Variants in PLCB1 observed in about 807,000 individuals in gnomAD.
PLCB1 encodes the protein 1-phosphatidylinositol 4,5-bisphosphate phosphodiesterase beta-1.
In PLCB1, 46 loss-of-function variants were observed where a neutral mutation model predicts 161.8. The observed-to-expected ratio is 0.28, with a 90% CI of 0.22 to 0.36. The LOEUF is 0.36. Among genes scored for constraint, PLCB1 ranks in the 10% least tolerant of loss-of-function variants. The pLI is 1.00. For missense variants in PLCB1, 1,016 were observed against 1,472.5 expected (o/e 0.69, Z 5.07); for synonymous variants, 517 against 503.7 (o/e 1.03, Z -0.35).
chr20:8,426,004 T>G (rs1254155485), intron 3 of PLCB1, among the ~76,000 whole-genome samples: 3 of 152,222 alleles, frequency 2.0e-5, no homozygotes, highest in Non-Finnish European at 4.4e-5. Flanking sequence ...CCTCTTTCAC[T>G]TTGAGCTTTA....
At chr20:8,325,663 A>T (rs1985122862) in intron 2 of PLCB1, among the ~76,000 whole-genome samples, 1 of 152,214 alleles carries the variant, frequency 6.6e-6, no homozygotes, top group South Asian at 2.1e-4. Flanking sequence ...GACACGTGTA[A>T]GGCCACACAC....
intron 2 of PLCB1, among the ~76,000 whole-genome samples, chr20:8,326,082 T>C (rs1048216125): frequency 6.6e-6 from 1 of 152,112 alleles, no homozygotes; most frequent in Non-Finnish European, 1.5e-5. Context: ...CCCTTCGAGG[T>C]TGTTTAAGTA....
At chr20:8,745,235 C>G (rs1438394685) in intron 23 of PLCB1, among the ~76,000 whole-genome samples, 5 of 152,186 alleles carry the variant, frequency 3.3e-5, no homozygotes, top group Non-Finnish European at 7.4e-5. Context: ...CTTTGAGCAT[C>G]AGTGTGTCTT....
At chr20:8,519,355 ACTT>A (rs970055908) in intron 3 of PLCB1, among the ~76,000 whole-genome samples, 30 of 152,146 alleles carry the variant, frequency 2.0e-4, no homozygotes, top group African/African-American at 6.5e-4. Flanking sequence ...ATAAGGAAAA[ACTT>A]CTCCGATGAA....
At chr20:8,748,797 A>G (rs56974246) in intron 23 of PLCB1, among the ~76,000 whole-genome samples, 168 of 152,334 alleles carry the variant, frequency 1.1e-3, no homozygotes, top group African/African-American at 3.9e-3. Flanking sequence ...AATTTTTTCT[A>G]AATGAGTAGA....
rs775527325 is a variant in PLCB1 at position 8,744,629 on chromosome 20, A to ATAAAAT, written c.2523+3057_2523+3062dup. Among the ~76,000 whole-genome samples, 99 of 148,442 alleles carry ATAAAAT rather than the reference A, an allele frequency of 6.7e-4. No individual in the cohort carries two copies. The Middle Eastern group carries it at 0.011, about 16-fold the overall frequency. On this transcript the variant is annotated intron_variant, in intron 23 of 31. Coordinates refer to ENST00000338037, the MANE Select transcript of PLCB1 (RefSeq NM_015192.4). Reference sequence around the variant, plus strand: ...TTAAAAATAAAATAAATAAAATAAAATAAAATAAAATAAAATAAAATAAAA... The same window carrying ATAAAAT: ...TTAAAAATAAAATAAATAAAATAAAATAAAATTAAAATAAAATAAAATAAAATAAAA...
chr20:8,556,940 C>G (rs1423073560), intron 3 of PLCB1, among the ~76,000 whole-genome samples: 1 of 149,764 alleles, frequency 6.7e-6, no homozygotes, highest in Non-Finnish European at 1.5e-5. Context: ...AATGAGATAC[C>G]ACTTGACACC....
chr20:8,486,346 T>A (rs1425831926), intron 3 of PLCB1, among the ~76,000 whole-genome samples: 1 of 152,220 alleles, frequency 6.6e-6, no homozygotes, highest in Non-Finnish European at 1.5e-5. Flanking sequence ...TACTAATTTG[T>A]CACATGCCAT....
At chr20:8,202,512 G>C (rs1364462295) in intron 2 of PLCB1, among the ~76,000 whole-genome samples, 2 of 152,200 alleles carry the variant, frequency 1.3e-5, no homozygotes, top group Non-Finnish European at 2.9e-5. Context: ...TGTTTCTACA[G>C]TGATATCTAT....
chr20:8,578,551 A>C (rs1410472546), intron 3 of PLCB1, among the ~76,000 whole-genome samples: 1 of 152,226 alleles, frequency 6.6e-6, no homozygotes, highest in Admixed American at 6.5e-5. Flanking sequence ...ATTAAAGATG[A>C]AAAGCTCTGT....
chr20:8,688,129 A>G (rs1294196857), intron 10 of PLCB1, among the ~76,000 whole-genome samples: 1 of 152,112 alleles, frequency 6.6e-6, no homozygotes, highest in African/African-American at 2.4e-5. Context: ...TCATTTGTAC[A>G]TCTTCTTTTG....
At chr20:8,552,715 T>C (rs757402212) in intron 3 of PLCB1, among the ~76,000 whole-genome samples, 1 of 152,132 alleles carries the variant, frequency 6.6e-6, no homozygotes, top group Non-Finnish European at 1.5e-5. Flanking sequence ...TTATAGTAGA[T>C]ACTTGCTGCT....
intron 2 of PLCB1, among the ~76,000 whole-genome samples, chr20:8,278,012 A>G (rs907336447): frequency 1.3e-5 from 2 of 152,084 alleles, no homozygotes; most frequent in African/African-American, 4.8e-5. Flanking sequence ...TATGCTTGCA[A>G]AATGAAATAT....
chr20:8,692,377 A>G (rs530279611), intron 10 of PLCB1, among the ~76,000 whole-genome samples: 1 of 152,278 alleles, frequency 6.6e-6, no homozygotes, highest in South Asian at 2.1e-4. Flanking sequence ...TTTTTGCTTT[A>G]GAGCACACAC....
chr20:8,501,126 A>G (rs1304866994), intron 3 of PLCB1, among the ~76,000 whole-genome samples: 1 of 152,208 alleles, frequency 6.6e-6, no homozygotes. Flanking sequence ...CGCACTGTGG[A>G]TCCACAGACG....
intron 3 of PLCB1, among the ~76,000 whole-genome samples, chr20:8,547,611 A>T (rs1985603308): frequency 6.6e-6 from 1 of 151,826 alleles, no homozygotes. Flanking sequence ...GTATTTTTGG[A>T]TCCATCCATT....
At chr20:8,162,866 G>A (rs1055774448) in intron 2 of PLCB1, among the ~76,000 whole-genome samples, 5 of 152,184 alleles carry the variant, frequency 3.3e-5, no homozygotes, top group Non-Finnish European at 7.3e-5. Flanking sequence ...CATTATGCAA[G>A]AGGACAGAAG....
chr20:8,722,470 T>G (rs1162582857), intron 15 of PLCB1, 49 bp downstream of exon 15: 7 of 1,288,090 alleles, frequency 5.4e-6, no homozygotes, highest in Non-Finnish European at 7.4e-6. Flanking sequence ...CACCCTGTAC[T>G]CTCCTGGGTC....
At position 8,455,432 on chromosome 20, in the gene PLCB1, CTTTTTTTT is replaced by C. The variant is rs1175763739; in HGVS notation, c.246+84000_246+84007del. 9.4e-5 allele frequency among the ~76,000 whole-genome samples: 7 copies of C among 74,204 alleles called. No individual in the cohort carries two copies. In the South Asian group the frequency reaches 2.0e-3, roughly 21 times the overall value. 48.7% of individuals were successfully genotyped at this position (74,204 alleles called of 152,430 possible). On this transcript the variant is annotated intron_variant, in intron 3 of 31. Transcript: ENST00000338037. ...AATTATTATTACAAGTATTCTTCCT[CTTTTTTTT>C]TTTTTTTTTTTTTTTTTGGAGACGG...
Sources: gnomAD v4.1 joint callset for allele counts (sites outside exome capture counted in the v4.1 genomes callset) on GRCh38, gnomAD v4.1.1 for gene constraint, MANE v1.5 for transcripts, NCBI Gene and HGNC (gene_info 2026-07-23, HGNC 2026-07-21) for gene names.